Variants in SH3GL2 observed in about 807,000 individuals in gnomAD.
SH3GL2 encodes the protein SH3 domain containing GRB2 like 2, endophilin A1.
Under a neutral mutation model 46.0 loss-of-function variants are expected in SH3GL2, and 24 were observed. The observed-to-expected ratio is 0.52, with a 90% CI of 0.38 to 0.73. The LOEUF is 0.73. Ranked by LOEUF, SH3GL2 falls within the 30% of genes least tolerant of loss-of-function variation. The probability of loss-of-function intolerance (pLI) is 0.00; values close to 1 mark genes in which losing one functional copy is unlikely to be tolerated. For synonymous variants in SH3GL2, 196 were observed against 147.1 expected, an observed-to-expected ratio of 1.33 and a Z score of -2.40; for missense variants, 413 against 424.2, an observed-to-expected ratio of 0.97 and a Z score of 0.23.
At chr9:17,768,391 A>AC (rs1367548146) in intron 3 of SH3GL2, among the ~76,000 whole-genome samples, 131 of 150,464 alleles carry the variant, frequency 8.7e-4, no homozygotes, top group African/African-American at 3.1e-3. Flanking sequence ...AAAAAAAAAA[A>AC]CACCAGATTC....
rs771000216 is a variant in SH3GL2, at chr9:17,791,353, C to A, written c.728+19C>A. ...AAGAAAGGTATTCTACAGTTCCCTG[C>A]ATTTCACATTTGCATTTTATTGCTA... On this transcript the variant is annotated intron_variant, in intron 7 of 8. Coordinates refer to ENST00000380607, the MANE Select transcript of SH3GL2 (RefSeq NM_003026.5). 2.5e-5 allele frequency: 36 copies of A among 1,442,664 alleles called. No individual in the cohort carries two copies. Among genetic ancestry groups the A allele is most frequent in the South Asian group, 1.5e-4 (13 of 87,628 alleles). 89.4% of individuals were successfully genotyped at this position (1,442,664 alleles called of 1,614,324 possible).
At chr9:17,664,924 C>A (rs58582850) in intron 1 of SH3GL2, among the ~76,000 whole-genome samples, 7,852 of 151,736 alleles carry the variant, frequency 0.052, 694 homozygotes, top group African/African-American at 0.18. Context: ...AAAATTATTT[C>A]TTTGCTTTGA....
chr9:17,740,351 A>G (rs1279683872), intron 1 of SH3GL2, among the ~76,000 whole-genome samples: 1 of 152,156 alleles, frequency 6.6e-6, no homozygotes, highest in African/African-American at 2.4e-5. Context: ...TCTATTATAC[A>G]TGGGGATACC....
intron 1 of SH3GL2, among the ~76,000 whole-genome samples, chr9:17,667,770 G>T (rs1820382494): frequency 6.6e-6 from 1 of 152,084 alleles, no homozygotes. Flanking sequence ...TTACAATTTT[G>T]GCAGTGCTTG....
chr9:17,796,240 A>C lies in SH3GL2; in HGVS notation c.*497A>C, dbSNP rs1336911898. ...GCAAATTGTCTCCTGATCTGAATGA[A>C]TTTGTCTCTTAATGCATCCATAGAA... On this transcript the variant is annotated 3_prime_UTR_variant, in exon 9 of 9. Coordinates refer to ENST00000380607, the MANE Select transcript of SH3GL2 (RefSeq NM_003026.5). 1 of 154,058 alleles carries C rather than the reference A, an allele frequency of 6.5e-6. No individual in the cohort carries two copies. The highest frequency in any genetic ancestry group is 2.4e-5 in the African/African-American group (1 of 41,460). The allele number at this position is 154,058 out of a possible 1,614,324, so 9.5% of individuals were successfully genotyped here. A position where few individuals can be genotyped will look rare whatever the true frequency, so the allele number is the denominator to read the frequency against.
intron 1 of SH3GL2, among the ~76,000 whole-genome samples, chr9:17,692,334 T>A (rs1289696596): frequency 1.3e-5 from 2 of 151,982 alleles, no homozygotes; most frequent in Admixed American, 6.6e-5. Flanking sequence ...AACTATTACA[T>A]GTGCTTGCTT....
intron 1 of SH3GL2, among the ~76,000 whole-genome samples, chr9:17,726,351 A>G (rs1230992846): frequency 6.6e-6 from 1 of 152,166 alleles, no homozygotes; most frequent in Non-Finnish European, 1.5e-5. Flanking sequence ...CTCCAGTAAT[A>G]TGAATGCTAC....
intron 1 of SH3GL2, among the ~76,000 whole-genome samples, chr9:17,585,944 A>G (rs900220766): frequency 6.6e-6 from 1 of 152,186 alleles, no homozygotes; most frequent in Non-Finnish European, 1.5e-5. Context: ...TTGTTTCCAT[A>G]ATCACTTAAG....
chr9:17,774,019 G>A (rs1304202787), intron 3 of SH3GL2, among the ~76,000 whole-genome samples: 3 of 152,000 alleles, frequency 2.0e-5, no homozygotes, highest in Non-Finnish European at 2.9e-5. Flanking sequence ...TACCTCCTTG[G>A]TTAAATTAAT....
intron 5 of SH3GL2, among the ~76,000 whole-genome samples, chr9:17,788,036 C>A (rs1824012721): frequency 6.6e-6 from 1 of 152,136 alleles, no homozygotes; most frequent in Non-Finnish European, 1.5e-5. Flanking sequence ...CTTTCTAAAA[C>A]ATGTAGAGCA....
intron 3 of SH3GL2, among the ~76,000 whole-genome samples, chr9:17,765,495 C>T (rs1304782563): frequency 1.3e-5 from 2 of 152,144 alleles, no homozygotes; most frequent in Non-Finnish European, 2.9e-5. Flanking sequence ...CCACTCTTGC[C>T]CATCTCCAGA....
At chr9:17,635,618 T>G (rs561977838) in intron 1 of SH3GL2, among the ~76,000 whole-genome samples, 2 of 152,202 alleles carry the variant, frequency 1.3e-5, no homozygotes, top group Non-Finnish European at 2.9e-5. Context: ...TGCACTGTTC[T>G]TGACCTCACA....
intron 2 of SH3GL2, among the ~76,000 whole-genome samples, chr9:17,754,004 T>C (rs535664698): frequency 7.2e-5 from 11 of 152,350 alleles, no homozygotes; most frequent in Admixed American, 5.2e-4. Flanking sequence ...TGCAGTTTTA[T>C]TTCTGAGATC....
At chr9:17,781,332 G>GT (rs1197445488) in intron 3 of SH3GL2, among the ~76,000 whole-genome samples, 1 of 124,918 alleles carries the variant, frequency 8.0e-6, no homozygotes, top group Non-Finnish European at 1.7e-5. Flanking sequence ...GGGGTTGTTT[G>GT]TTTTTTTCTT....
chr9:17,790,507 C>A (rs1463956125), intron 6 of SH3GL2: 2 of 616,460 alleles, frequency 3.2e-6, no homozygotes, highest in African/African-American at 2.0e-5. Context: ...GTCCACCTAA[C>A]TCCTCGAGAG....
rs1420074681 is a variant in SH3GL2 at position 17,795,857 on chromosome 9, T to A, written c.*114T>A. 2.0e-5 allele frequency: 16 copies of A among 806,720 alleles called. No homozygotes were observed. The highest frequency in any genetic ancestry group is 3.2e-5 in the Non-Finnish European group (16 of 504,932). The allele number at this position is 806,720 out of a possible 1,614,324, so 50.0% of individuals were successfully genotyped here. On this transcript the variant is annotated 3_prime_UTR_variant, in exon 9 of 9. Transcript: ENST00000380607. ...GTGCAGGCCGCAGTGGTCCACGTCA[T>A]CCAGCCCCACCAAGTGACTTTGGTT...
intron 2 of SH3GL2, among the ~76,000 whole-genome samples, chr9:17,752,464 G>A (rs1822873809): frequency 6.6e-6 from 1 of 152,148 alleles, no homozygotes; most frequent in East Asian, 1.9e-4. Flanking sequence ...TCAAGTGGGT[G>A]TGTAATTCAT....
At chr9:17,609,763 C>G (rs1000727841) in intron 1 of SH3GL2, among the ~76,000 whole-genome samples, 11 of 152,212 alleles carry the variant, frequency 7.2e-5, no homozygotes, top group Non-Finnish European at 1.5e-4. Context: ...AAAGTGACAG[C>G]TGAGCAAAGG....
intron 2 of SH3GL2, among the ~76,000 whole-genome samples, chr9:17,760,303 G>A (rs1283280724): frequency 6.6e-6 from 1 of 152,046 alleles, no homozygotes; most frequent in Non-Finnish European, 1.5e-5. Context: ...ACAGTAATAT[G>A]ACTGCCATGG....
Sources: allele counts gnomAD v4.1 joint callset (sites outside exome capture counted in the v4.1 genomes callset), GRCh38; gene constraint gnomAD v4.1.1; transcripts MANE v1.5; gene names NCBI Gene and HGNC (gene_info 2026-07-23, HGNC 2026-07-21).